Variants in TEK observed in about 807,000 individuals in gnomAD.
TEK encodes TEK receptor tyrosine kinase, also known as angiopoietin-1 receptor.
TEK carries 43 observed loss-of-function variants against 131.8 expected under a neutral mutation model. The ratio of observed to expected loss-of-function variants is 0.33; its 90% CI spans 0.26 to 0.42. The LOEUF (loss-of-function observed/expected upper bound fraction) is 0.42, where lower values mean the gene tolerates loss of function less well. TEK is among the 10% of genes least tolerant of loss of function. The pLI is 1.00. For missense variants in TEK, 1,162 were observed against 1,384.4 expected (o/e 0.84, Z 2.55); for synonymous variants, 580 against 491.6 (o/e 1.18, Z -2.38).
chr9:27,133,119 C>T (rs895062906), intron 1 of TEK, among the ~76,000 whole-genome samples: 3 of 152,136 alleles, frequency 2.0e-5, no homozygotes, highest in Non-Finnish European at 4.4e-5. Flanking sequence ...CTGAGTAATG[C>T]CTGAAATAAA....
chr9:27,132,648 G>T (rs1416009415), intron 1 of TEK, among the ~76,000 whole-genome samples: 1 of 152,204 alleles, frequency 6.6e-6, no homozygotes, highest in South Asian at 2.1e-4. Context: ...ACTATAAAAT[G>T]AGAACTCTGA....
intron 1 of TEK, among the ~76,000 whole-genome samples, chr9:27,134,021 G>A (rs982238238): frequency 6.6e-6 from 1 of 152,184 alleles, no homozygotes; most frequent in African/African-American, 2.4e-5. Context: ...GGCATGGGAA[G>A]TTGACTTGTA....
chr9:27,152,227 C>A (rs1020715205), intron 1 of TEK, among the ~76,000 whole-genome samples: 1 of 152,160 alleles, frequency 6.6e-6, no homozygotes, highest in African/African-American at 2.4e-5. Context: ...ATTCCAAACA[C>A]ACCTTAGCAG....
At chr9:27,120,333 C>T (rs1389193639) in intron 1 of TEK, among the ~76,000 whole-genome samples, 2 of 152,240 alleles carry the variant, frequency 1.3e-5, no homozygotes, top group Non-Finnish European at 1.5e-5. Flanking sequence ...ACCTCTTCTT[C>T]ACCTGCTTTA....
intron 1 of TEK, among the ~76,000 whole-genome samples, chr9:27,153,003 G>A (rs568568047): frequency 6.6e-6 from 1 of 152,300 alleles, no homozygotes; most frequent in South Asian, 2.1e-4. Flanking sequence ...ATTAGATACT[G>A]TTCAATATAG....
intron 9 of TEK, 66 bp downstream of exon 9, chr9:27,185,695 T>C: frequency 6.3e-7 from 1 of 1,597,150 alleles, no homozygotes; most frequent in Admixed American, 1.7e-5. Context: ...TTGCTGCTTC[T>C]AGACAGAAAT....
rs957333617 is a variant in TEK at position 27,163,728 on chromosome 9, G to A, written c.365-4767G>A. On this transcript the variant is annotated intron_variant, in intron 2 of 22. Transcript: ENST00000380036. ...TCTTCCTTAACTCCATCTCCCATAT[G>A]GATAAACTGTAGCTATACTGTCTTC... Among the ~76,000 whole-genome samples the A allele has an allele frequency of 3.9e-5, 6 of 152,256 alleles. 1 individual carries two copies. Among genetic ancestry groups the A allele is most frequent in the Admixed American group, 6.5e-5 (1 of 15,294 alleles).
chr9:27,117,400 C>T (rs775365497), intron 1 of TEK, among the ~76,000 whole-genome samples: 3 of 152,204 alleles, frequency 2.0e-5, no homozygotes, highest in Admixed American at 6.5e-5. Flanking sequence ...CCTATTCTTA[C>T]CCATCTGGCC....
intron 11 of TEK, among the ~76,000 whole-genome samples, chr9:27,194,772 C>G (rs1461777413): frequency 6.6e-6 from 1 of 152,132 alleles, no homozygotes; most frequent in Non-Finnish European, 1.5e-5. Context: ...ATTGAAGGTT[C>G]TTCTTTTCCC....
intron 11 of TEK, among the ~76,000 whole-genome samples, chr9:27,196,491 C>A (rs2131194717): frequency 6.6e-6 from 1 of 152,300 alleles, no homozygotes; most frequent in Non-Finnish European, 1.5e-5. Context: ...TTAGCGCTGT[C>A]ATTGACTCCA....
At chr9:27,185,393 T>C (rs1824557028) in intron 8 of TEK, 92 bp from the exon 9 acceptor site, 1 of 1,510,234 alleles carries the variant, frequency 6.6e-7, no homozygotes, top group Non-Finnish European at 9.2e-7. Context: ...CTAGGAAACT[T>C]CTTATTAAAC....
At chr9:27,124,677 C>G (rs888684802) in intron 1 of TEK, among the ~76,000 whole-genome samples, 1 of 152,246 alleles carries the variant, frequency 6.6e-6, no homozygotes, top group Admixed American at 6.5e-5. Context: ...GTGCAACTCA[C>G]TCGGCTTCAT....
At chr9:27,173,960 T>G (rs1003461132) in intron 6 of TEK, among the ~76,000 whole-genome samples, 2 of 151,746 alleles carry the variant, frequency 1.3e-5, no homozygotes, top group Non-Finnish European at 2.9e-5. Context: ...AGAGCTTTTA[T>G]GTCAGATCCA....
At chr9:27,123,263 T>C (rs1394491511) in intron 1 of TEK, among the ~76,000 whole-genome samples, 25 of 151,876 alleles carry the variant, frequency 1.6e-4, no homozygotes, top group Admixed American at 1.6e-3. Context: ...CCTATTTCCA[T>C]GTGCTTTCTG....
chr9:27,125,116 C>T (rs139675388), intron 1 of TEK, among the ~76,000 whole-genome samples: 55 of 152,330 alleles, frequency 3.6e-4, no homozygotes, highest in African/African-American at 1.2e-3. Context: ...GTATCTCACA[C>T]CCAGAGTCAG....
intron 21 of TEK, among the ~76,000 whole-genome samples, chr9:27,222,285 C>A (rs781265404): frequency 2.6e-5 from 4 of 152,136 alleles, no homozygotes; most frequent in Non-Finnish European, 5.9e-5. Flanking sequence ...TTGGAAAACC[C>A]TCTTCAGGAT....
chr9:27,203,081 C>G lies in TEK; in HGVS notation c.2171C>G (p.Ala724Gly). ...AACAACATAGGGTCAAGCAACCCAG[C>G]CTTTTCTCATGAACTGGTGACCCTC... ...AENNIGSSNP[A>G]FSHELVTLPE... Residue 724 changes from alanine to glycine, a missense_variant, in exon 13 of 23, where the codon GCC becomes GGC. Physicochemically the swap from Ala to Gly is moderately conservative, Grantham distance 60. Around this residue, in one of 6 missense-constraint regions of TEK, gnomAD observed 477 missense variants for 471.0 expected, o/e 1.01. Coordinates refer to ENST00000380036, the MANE Select transcript of TEK (RefSeq NM_000459.5). The G allele has an allele frequency of 6.2e-7, 1 of 1,614,096 alleles. No homozygotes were observed. The highest frequency in any genetic ancestry group is 8.5e-7 in the Non-Finnish European group (1 of 1,180,000).
In TEK at chr9:27,197,523, C is replaced by T. The variant is rs763254929; in HGVS notation, c.1833C>T (p.Tyr611=). Reference sequence around the variant, plus strand: ...ACAACTTACATCCCAGGGAGCAGTACGTGGTCCGAGCTAGAGTCAACACCA... The same window carrying T: ...ACAACTTACATCCCAGGGAGCAGTATGTGGTCCGAGCTAGAGTCAACACCA... ...LLNNLHPREQ[Y]VVRARVNTKA... is the part of the protein sequence containing the mutation. Residue 611 remains tyrosine (Y), a synonymous_variant, in exon 12 of 23, where the codon TAC becomes TAT. Coordinates refer to ENST00000380036, the MANE Select transcript of TEK (RefSeq NM_000459.5). The T allele has an allele frequency of 1.9e-5, 30 of 1,613,948 alleles. 1 individual carries two copies. In the South Asian group the frequency reaches 2.7e-4, roughly 15 times the overall value.
At chr9:27,207,336 A>G (rs1298524724) in intron 15 of TEK, among the ~76,000 whole-genome samples, 1 of 152,028 alleles carries the variant, frequency 6.6e-6, no homozygotes, top group African/African-American at 2.4e-5. Context: ...GGTTTCTTCT[A>G]CTCCTTGACT....
Sources: allele counts gnomAD v4.1 joint callset (sites outside exome capture counted in the v4.1 genomes callset), GRCh38; gene constraint gnomAD v4.1.1; regional missense constraint gnomAD v4.1.1; transcripts MANE v1.5; gene names NCBI Gene and HGNC (gene_info 2026-07-23, HGNC 2026-07-21).